FAF2: variants seen among roughly 807,000 people sequenced by gnomAD.
FAF2 encodes FAS-associated factor 2.
FAF2 carries 9 observed loss-of-function variants against 62.3 expected under a neutral mutation model. The ratio of observed to expected loss-of-function variants is 0.14; its 90% CI spans 0.09 to 0.25. The LOEUF is 0.25. Ranked by LOEUF, FAF2 falls within the 10% of genes least tolerant of loss-of-function variation. The pLI, the probability that FAF2 is intolerant of heterozygous loss-of-function variation, is 1.00. For missense variants in FAF2, 368 were observed against 556.2 expected (o/e 0.66, Z 3.40); for synonymous variants, 202 against 198.0 (o/e 1.02, Z -0.17).
Position 176,508,040 on chromosome 5 carries a change from GTAT to G in FAF2, c.*1095_*1097del, listed in dbSNP as rs1322512777. The G allele has an allele frequency of 6.6e-5, 10 of 152,592 alleles. No individual in the cohort carries two copies. The highest frequency in any genetic ancestry group is 2.4e-4 in the African/African-American group (10 of 41,414). The allele number at this position is 152,592 out of a possible 1,614,324, so 9.5% of individuals were successfully genotyped here. A position where few individuals can be genotyped will look rare whatever the true frequency, so the allele number is the denominator to read the frequency against. The stretch of plus-strand genomic sequence containing the variant: ...GTGCCCTGCCTGTCTCAGTGGAAGT[GTAT>G]TATTGTTTTAAGGATAGAACCAGAG... On this transcript the variant is annotated 3_prime_UTR_variant, in exon 11 of 11. Coordinates refer to ENST00000261942, the MANE Select transcript of FAF2 (RefSeq NM_014613.3).
At chr5:176,450,795 C>T (rs539937458) in intron 1 of FAF2, among the ~76,000 whole-genome samples, 25 of 152,258 alleles carry the variant, frequency 1.6e-4, no homozygotes, top group African/African-American at 6.0e-4. Context: ...CCTCGTGATC[C>T]GCCCTCCTCG....
At chr5:176,489,114 T>A in intron 4 of FAF2, 87 bp downstream of exon 4, 2 of 918,652 alleles carry the variant, frequency 2.2e-6, no homozygotes, top group Non-Finnish European at 3.4e-6. Flanking sequence ...GCTCTATCAA[T>A]GTTGACTTAC....
At chr5:176,455,114 TAACTGTA>T (rs1758259815) in intron 1 of FAF2, among the ~76,000 whole-genome samples, 1 of 152,224 alleles carries the variant, frequency 6.6e-6, no homozygotes, top group African/African-American at 2.4e-5. Flanking sequence ...GTGGGCAAGT[TAACTGTA>T]AATGACTTAG....
At chr5:176,469,935 C>T (rs546733416) in intron 1 of FAF2, among the ~76,000 whole-genome samples, 2 of 152,200 alleles carry the variant, frequency 1.3e-5, no homozygotes, top group South Asian at 4.2e-4. Flanking sequence ...AGAGAAGGCT[C>T]CTCAAACCTT....
At chr5:176,451,893 T>TATATATA (rs1491147946) in intron 1 of FAF2, among the ~76,000 whole-genome samples, 1 of 14,818 alleles carries the variant, frequency 6.7e-5, no homozygotes. Context: ...TATATATATA[T>TATATATA]TTTTTTTTTT....
At chr5:176,464,119 T>C (rs1021281176) in intron 1 of FAF2, among the ~76,000 whole-genome samples, 25 of 152,134 alleles carry the variant, frequency 1.6e-4, no homozygotes, top group African/African-American at 5.3e-4. Flanking sequence ...ACTTATTCTT[T>C]TTTTTGTTTC....
chr5:176,505,286 G>A (rs904353574), intron 10 of FAF2, among the ~76,000 whole-genome samples: 1 of 152,176 alleles, frequency 6.6e-6, no homozygotes, highest in Admixed American at 6.5e-5. Context: ...AGGGAGAGAT[G>A]ACAGTGGCCT....
intron 1 of FAF2, among the ~76,000 whole-genome samples, chr5:176,461,379 T>C (rs761852602): frequency 5.2e-5 from 7 of 135,812 alleles, no homozygotes; most frequent in Non-Finnish European, 9.3e-5. Context: ...AGTATAGTAA[T>C]GTGATGATAG....
At chr5:176,486,626 G>A (rs1326271301) in intron 3 of FAF2, 137 bp downstream of exon 3, 4 of 806,108 alleles carry the variant, frequency 5.0e-6, no homozygotes, top group Non-Finnish European at 7.5e-6. Flanking sequence ...CCCGTTGGGT[G>A]TATTATTTTG....
chr5:176,489,177 A>G (rs913200437), intron 4 of FAF2, 150 bp downstream of exon 4: 19 of 565,156 alleles, frequency 3.4e-5, no homozygotes, highest in African/African-American at 2.5e-4. Flanking sequence ...AATACAACAT[A>G]CAAGTATTTT....
chr5:176,487,754 A>C (rs559905683), intron 3 of FAF2, among the ~76,000 whole-genome samples: 1 of 152,196 alleles, frequency 6.6e-6, no homozygotes, highest in Non-Finnish European at 1.5e-5. Flanking sequence ...GGTTAATATA[A>C]TTATTTAATG....
At chr5:176,489,162 C>T (rs1758927057) in intron 4 of FAF2, 135 bp downstream of exon 4, 1 of 584,634 alleles carries the variant, frequency 1.7e-6, no homozygotes, top group Non-Finnish European at 3.0e-6. Flanking sequence ...CCCGAACTGT[C>T]TTTTAATACA....
chr5:176,460,634 C>T (rs1161382553), intron 1 of FAF2, among the ~76,000 whole-genome samples: 1 of 151,732 alleles, frequency 6.6e-6, no homozygotes, highest in Admixed American at 6.6e-5. Context: ...CAGCCTCTGC[C>T]TCCTGGCCCT....
intron 10 of FAF2, among the ~76,000 whole-genome samples, chr5:176,504,972 G>A (rs146713249): frequency 4.7e-4 from 71 of 150,750 alleles, no homozygotes; most frequent in Admixed American, 4.7e-4. Context: ...GCAGTGAGTC[G>A]TGTTTGCACC....
Position 176,507,457 on chromosome 5 carries a change from G to A in FAF2, c.*507G>A. ...GAGATGTTCCTTGAACTGCCCACAAGTTTTCAATAACTTTTATTTCTGTTT... is the reference window on the plus strand; with the variant it reads ...GAGATGTTCCTTGAACTGCCCACAAATTTTCAATAACTTTTATTTCTGTTT... On this transcript the variant is annotated 3_prime_UTR_variant, in exon 11 of 11. Coordinates refer to ENST00000261942, the MANE Select transcript of FAF2 (RefSeq NM_014613.3). 3.4e-6 allele frequency: 1 copy of A among 297,046 alleles called. No homozygotes were observed. The highest frequency in any genetic ancestry group is 6.8e-6 in the Non-Finnish European group (1 of 146,390). 18.4% of individuals were successfully genotyped at this position (297,046 alleles called of 1,614,324 possible). A position where few individuals can be genotyped will look rare whatever the true frequency, so the allele number is the denominator to read the frequency against.
chr5:176,503,276 C>T (rs757676912), intron 10 of FAF2, among the ~76,000 whole-genome samples: 4 of 151,186 alleles, frequency 2.6e-5, no homozygotes, highest in Non-Finnish European at 4.4e-5. Flanking sequence ...TTGTGTCGGC[C>T]GGGTGCAGTG....
At chr5:176,451,617 AC>A (rs1758170762) in intron 1 of FAF2, among the ~76,000 whole-genome samples, 1 of 150,376 alleles carries the variant, frequency 6.6e-6, no homozygotes, top group Non-Finnish European at 1.5e-5. Flanking sequence ...AATAGCTTTC[AC>A]AAGTAGTAAG....
At chr5:176,461,312 CTTTTTTTTT>C (rs60608969) in intron 1 of FAF2, among the ~76,000 whole-genome samples, 1 of 70,732 alleles carries the variant, frequency 1.4e-5, no homozygotes, top group Non-Finnish European at 2.4e-5. Context: ...CTGTGCCCAG[CTTTTTTTTT>C]TTTTTTTTTT....
intron 2 of FAF2, among the ~76,000 whole-genome samples, chr5:176,483,272 A>G (rs1245374629): frequency 2.0e-5 from 3 of 152,064 alleles, no homozygotes; most frequent in Non-Finnish European, 2.9e-5. Flanking sequence ...ATGAAGTCCA[A>G]TTTATCTACT....
Sources: gnomAD v4.1 joint callset for allele counts (sites outside exome capture counted in the v4.1 genomes callset) on GRCh38, gnomAD v4.1.1 for gene constraint, MANE v1.5 for transcripts, NCBI Gene and HGNC (gene_info 2026-07-23, HGNC 2026-07-21) for gene names.